The following XKR9 variants were observed in gnomAD, a reference collection of about 807,000 sequenced individuals.
XKR9 encodes XK related 9, also known as XK-related protein 9.
Under a neutral mutation model 32.0 loss-of-function variants are expected in XKR9, and 32 were observed. The ratio of observed to expected loss-of-function variants is 1.00; its 90% CI spans 0.76 to 1.34. XKR9 has a LOEUF of 1.34. XKR9 is among the 40% of genes most tolerant of loss of function. The pLI, the probability that XKR9 is intolerant of heterozygous loss-of-function variation, is 0.00. For missense variants in XKR9, 546 were observed against 429.7 expected (o/e 1.27, Z -2.39); for synonymous variants, 168 against 143.4 (o/e 1.17, Z -1.22).
At chr8:70,853,037 T>C in the XKR9 span, among the ~76,000 whole-genome samples, 64 of 152,204 alleles carry the variant, frequency 4.2e-4, no homozygotes, top group Non-Finnish European at 7.6e-4. Flanking sequence ...ATGTGGTACA[T>C]ATACACAATG....
chr8:71,025,071 C>T, the XKR9 span, among the ~76,000 whole-genome samples: 5 of 152,208 alleles, frequency 3.3e-5, no homozygotes, highest in Non-Finnish European at 5.9e-5. Context: ...GAAGTAAGCA[C>T]TTTCAATAAC....
the XKR9 span, among the ~76,000 whole-genome samples, chr8:71,043,083 G>C: frequency 0.013 from 1,923 of 152,254 alleles, 40 homozygotes; most frequent in African/African-American, 0.044. Context: ...GCTTTCCTTA[G>C]ATCTCAACCG....
At chr8:70,847,109 A>C in the XKR9 span, among the ~76,000 whole-genome samples, 2 of 152,036 alleles carry the variant, frequency 1.3e-5, no homozygotes, top group Non-Finnish European at 2.9e-5. Context: ...GAAGTCTCAA[A>C]AATTTTTTAA....
chr8:70,720,654 T>G (rs928341476), intron 4 of XKR9, among the ~76,000 whole-genome samples: 3 of 152,204 alleles, frequency 2.0e-5, no homozygotes, highest in African/African-American at 4.8e-5. Flanking sequence ...GAAGCTGACT[T>G]GATCGTGGTA....
the XKR9 span, among the ~76,000 whole-genome samples, chr8:71,021,158 A>G: frequency 6.6e-6 from 1 of 152,162 alleles, no homozygotes; most frequent in Non-Finnish European, 1.5e-5. Context: ...AACTAACAGC[A>G]AGAATTCATT....
intron 2 of XKR9, among the ~76,000 whole-genome samples, chr8:70,676,994 A>G (rs990659218): frequency 6.6e-6 from 1 of 152,216 alleles, no homozygotes; most frequent in African/African-American, 2.4e-5. Context: ...TAAGGAAATT[A>G]TCTACATTTA....
At chr8:70,779,322 G>T (rs892320940) in intron 2 of XKR9, among the ~76,000 whole-genome samples, 3 of 152,164 alleles carry the variant, frequency 2.0e-5, no homozygotes, top group Non-Finnish European at 4.4e-5. Context: ...TGGTGGATAA[G>T]CTTTTTGATA....
the XKR9 span, among the ~76,000 whole-genome samples, chr8:70,884,785 G>A: frequency 6.6e-6 from 1 of 152,060 alleles, no homozygotes; most frequent in South Asian, 2.1e-4. Flanking sequence ...CTTCATAACT[G>A]TAGCTTTATA....
At chr8:70,947,130 G>T in the XKR9 span, among the ~76,000 whole-genome samples, 2 of 152,034 alleles carry the variant, frequency 1.3e-5, no homozygotes, top group African/African-American at 4.8e-5. Context: ...GCAGTTTAAA[G>T]CCCAAACCCA....
chr8:70,800,617 G>A, the XKR9 span, among the ~76,000 whole-genome samples: 1 of 151,932 alleles, frequency 6.6e-6, no homozygotes, highest in East Asian at 1.9e-4. Context: ...TCCCAAGTAG[G>A]TGGGATTACA....
intron 2 of XKR9, among the ~76,000 whole-genome samples, chr8:70,767,041 A>C (rs1252647886): frequency 6.6e-6 from 1 of 152,118 alleles, no homozygotes; most frequent in Non-Finnish European, 1.5e-5. Context: ...TTCATCAGGG[A>C]TATTGTCCTG....
chr8:70,854,186 C>T, the XKR9 span, among the ~76,000 whole-genome samples: 1 of 152,304 alleles, frequency 6.6e-6, no homozygotes, highest in Admixed American at 6.5e-5. Flanking sequence ...TCTCCAGCAC[C>T]TGTTGTTTCC....
the XKR9 span, among the ~76,000 whole-genome samples, chr8:70,969,979 T>C: frequency 6.6e-6 from 1 of 152,334 alleles, no homozygotes; most frequent in Non-Finnish European, 1.5e-5. Context: ...GTTTCACATA[T>C]GAGTGAGAAC....
At chr8:70,800,024 A>C in the XKR9 span, among the ~76,000 whole-genome samples, 1 of 152,168 alleles carries the variant, frequency 6.6e-6, no homozygotes, top group East Asian at 1.9e-4. Flanking sequence ...TACTATTTTA[A>C]GGTATGTTCC....
chr8:70,684,286 A>G (rs1313295205), intron 3 of XKR9, among the ~76,000 whole-genome samples: 4 of 152,194 alleles, frequency 2.6e-5, no homozygotes, highest in Admixed American at 2.0e-4. Context: ...TGCCAATCAA[A>G]TGTAAGTTAC....
the XKR9 span, among the ~76,000 whole-genome samples, chr8:70,860,497 G>T: frequency 3.9e-5 from 6 of 152,028 alleles, no homozygotes; most frequent in African/African-American, 1.4e-4. Context: ...CTTTGTTATA[G>T]CAGCTGAAAT....
At chr8:70,728,957 A>G (rs1472519489) in intron 4 of XKR9, among the ~76,000 whole-genome samples, 1 of 152,132 alleles carries the variant, frequency 6.6e-6, no homozygotes, top group East Asian at 1.9e-4. Context: ...TCCCAGGATA[A>G]CTCAGGGCTC....
intron 2 of XKR9, among the ~76,000 whole-genome samples, chr8:70,777,831 T>A (rs1012282303): frequency 6.6e-6 from 1 of 152,186 alleles, no homozygotes; most frequent in African/African-American, 2.4e-5. Context: ...TTGTTGAAAT[T>A]CTTTGTAGAT....
chr8:70,693,858 C>G (rs539454550), intron 3 of XKR9, among the ~76,000 whole-genome samples: 2 of 152,056 alleles, frequency 1.3e-5, no homozygotes, highest in South Asian at 4.2e-4. Flanking sequence ...TTTGTTAGTC[C>G]GAAGGTGGCA....
Sources: allele counts gnomAD v4.1 joint callset (sites outside exome capture counted in the v4.1 genomes callset), GRCh38; gene constraint gnomAD v4.1.1; transcripts MANE v1.5; gene names NCBI Gene and HGNC (gene_info 2026-07-23, HGNC 2026-07-21).